Variants in PDE8B observed in about 807,000 individuals in gnomAD.
PDE8B encodes phosphodiesterase 8B.
Under a neutral mutation model 101.3 loss-of-function variants are expected in PDE8B, and 26 were observed. The ratio of observed to expected loss-of-function variants is 0.26; its 90% CI spans 0.19 to 0.36. PDE8B has a LOEUF of 0.36. PDE8B is among the 10% of genes least tolerant of loss of function. The probability of loss-of-function intolerance (pLI) is 1.00; values close to 1 mark genes in which losing one functional copy is unlikely to be tolerated. For synonymous variants in PDE8B, 424 were observed against 429.3 expected, an observed-to-expected ratio of 0.99 and a Z score of 0.15; for missense variants, 810 against 1,163.1, an observed-to-expected ratio of 0.70 and a Z score of 4.42.
intron 10 of PDE8B, among the ~76,000 whole-genome samples, chr5:77,380,812 C>T (rs995563781): frequency 3.9e-5 from 6 of 152,166 alleles, no homozygotes; most frequent in Non-Finnish European, 7.4e-5. Context: ...CCATTGATAG[C>T]ATGTAACAGA....
At chr5:77,316,617 T>TA (rs1773820872) in intron 2 of PDE8B, among the ~76,000 whole-genome samples, 1 of 152,210 alleles carries the variant, frequency 6.6e-6, no homozygotes, top group Admixed American at 6.5e-5. Flanking sequence ...TCAAACATGA[T>TA]ACAGTCCTTT....
At chr5:77,413,364 T>C in intron 17 of PDE8B, 55 bp downstream of exon 17, 1 of 1,469,592 alleles carries the variant, frequency 6.8e-7, no homozygotes, top group Non-Finnish European at 9.5e-7. Context: ...ATCCAAGAAC[T>C]TAATCTTAGT....
At position 77,411,656 on chromosome 5, in the gene PDE8B, A is replaced by G; in HGVS notation, c.1531-20A>G. The G allele has an allele frequency of 1.3e-6, 2 of 1,595,842 alleles. No homozygotes were observed. The highest frequency in any genetic ancestry group is 1.7e-4 in the Middle Eastern group (1 of 5,950). On this transcript the variant is annotated intron_variant, in intron 14 of 21. Coordinates refer to ENST00000264917, the MANE Select transcript of PDE8B (RefSeq NM_003719.5). ...AATAGATATAAAGCATGCTTCTAAC[A>G]GGCTCTTCCTTTATTCCAGGACGGC...
At position 77,427,661 on chromosome 5, in the gene PDE8B, T is replaced by A. The variant is rs1798389928; in HGVS notation, c.*1107T>A. 6.6e-6 allele frequency: 1 copy of A among 152,204 alleles called. No individual in the cohort carries two copies. The highest frequency in any genetic ancestry group is 1.5e-5 in the Non-Finnish European group (1 of 68,042). 9.4% of individuals were successfully genotyped at this position (152,204 alleles called of 1,614,324 possible). ...TATGGGGAGGCAGTAAATACTATTT[T>A]AAGCTATTAATTGTATGCTAAAAGC... is the stretch of plus-strand genomic sequence containing the variant. On this transcript the variant is annotated 3_prime_UTR_variant, in exon 22 of 22. Transcript: ENST00000264917.
At chr5:77,175,696 G>A in the PDE8B span, among the ~76,000 whole-genome samples, 12 of 152,192 alleles carry the variant, frequency 7.9e-5, no homozygotes, top group African/African-American at 2.4e-4. Context: ...TTATCTTACA[G>A]ATCTATCCTC....
At chr5:77,311,551 G>A (rs1405901588) in intron 1 of PDE8B, among the ~76,000 whole-genome samples, 1 of 152,214 alleles carries the variant, frequency 6.6e-6, no homozygotes, top group Non-Finnish European at 1.5e-5. Context: ...CCATACATGT[G>A]ATTTAGCCTC....
chr5:77,210,742 G>A lies in PDE8B; in HGVS notation c.-184G>A. The A allele has an allele frequency of 1.0e-6, 1 of 982,074 alleles. No homozygotes were observed. Among genetic ancestry groups the A allele is most frequent in the Non-Finnish European group, 1.2e-6 (1 of 828,948 alleles). 60.8% of individuals were successfully genotyped at this position (982,074 alleles called of 1,614,324 possible). A position where few individuals can be genotyped will look rare whatever the true frequency, so the allele number is the denominator to read the frequency against. Reference sequence around the variant, plus strand: ...CCAAAAGGGAAAGTTGGGGTGACGCGCGCGGTCCCCGGAGGCTCGGCGGGG... The same window carrying A: ...CCAAAAGGGAAAGTTGGGGTGACGCACGCGGTCCCCGGAGGCTCGGCGGGG... On this transcript the variant is annotated 5_prime_UTR_variant, in exon 1 of 22. Transcript: ENST00000264917. The surrounding 1 kb of genome is among the most constrained non-coding windows in gnomAD (Gnocchi z 4.9).
rs188397379 is a variant in PDE8B, at chr5:77,401,925, C to T, written c.1210+1635C>T. On this transcript the variant is annotated intron_variant, in intron 11 of 21. Transcript: ENST00000264917. Reference sequence around the variant, plus strand: ...ATGAGGAAGAATAAACATCATCCATCTTTGAATAATTTCTAATGAACGACT... The same window carrying T: ...ATGAGGAAGAATAAACATCATCCATTTTTGAATAATTTCTAATGAACGACT... Among the ~76,000 whole-genome samples the T allele has an allele frequency of 6.2e-4, 95 of 152,292 alleles. No individual in the cohort carries two copies. The East Asian group carries it at 0.013, about 21-fold the overall frequency.
chr5:77,426,395 C>T, intron 21 of PDE8B, 50 bp from the exon 22 acceptor site: 1 of 1,234,366 alleles, frequency 8.1e-7, no homozygotes, highest in Non-Finnish European at 1.2e-6. Context: ...TATAAATGCT[C>T]CTGGGGTCTA....
At chr5:77,407,584 C>T in intron 13 of PDE8B, 127 bp downstream of exon 13, 1 of 737,620 alleles carries the variant, frequency 1.4e-6, no homozygotes, top group Non-Finnish European at 2.4e-6. Flanking sequence ...GGCAAATAAA[C>T]ACATAGCAAA....
intron 1 of PDE8B, among the ~76,000 whole-genome samples, chr5:77,216,318 GA>G (rs1430921236): frequency 6.6e-6 from 1 of 152,160 alleles, no homozygotes; most frequent in Non-Finnish European, 1.5e-5. Flanking sequence ...AATTTAGAAA[GA>G]AAAAGAGATT....
At chr5:77,108,809 C>A in the PDE8B span, among the ~76,000 whole-genome samples, 36 of 152,182 alleles carry the variant, frequency 2.4e-4, no homozygotes, top group Admixed American at 1.7e-3. Flanking sequence ...GCACCACATT[C>A]AACAAAAGAT....
chr5:77,247,421 C>G (rs932721712), intron 1 of PDE8B, among the ~76,000 whole-genome samples: 3 of 152,198 alleles, frequency 2.0e-5, no homozygotes, highest in Admixed American at 6.5e-5. Context: ...CCCTCTGTGT[C>G]ATATCACAAT....
At chr5:77,177,264 C>G in the PDE8B span, among the ~76,000 whole-genome samples, 2 of 151,784 alleles carry the variant, frequency 1.3e-5, no homozygotes, top group Non-Finnish European at 2.9e-5. Flanking sequence ...AGTATCCCCC[C>G]CTTATCCGCA....
the PDE8B span, among the ~76,000 whole-genome samples, chr5:77,187,488 A>G: frequency 6.6e-6 from 1 of 152,178 alleles, no homozygotes; most frequent in Non-Finnish European, 1.5e-5. Context: ...AAAAAAAATC[A>G]AAGCAGTGAG....
the PDE8B span, among the ~76,000 whole-genome samples, chr5:77,204,776 C>T: frequency 6.6e-6 from 1 of 152,136 alleles, no homozygotes; most frequent in Non-Finnish European, 1.5e-5. Context: ...TCCCAATGAC[C>T]ATAACTACTA....
chr5:77,298,333 C>T (rs1171558713), intron 1 of PDE8B, among the ~76,000 whole-genome samples: 1 of 152,074 alleles, frequency 6.6e-6, no homozygotes, highest in Non-Finnish European at 1.5e-5. Flanking sequence ...AGCCACAGAA[C>T]ATCATGGCCT....
the PDE8B span, among the ~76,000 whole-genome samples, chr5:77,176,268 T>C: frequency 6.6e-6 from 1 of 152,012 alleles, no homozygotes; most frequent in Non-Finnish European, 1.5e-5. Flanking sequence ...GTGAAGTTGG[T>C]TTTGTTGCCC....
intron 1 of PDE8B, among the ~76,000 whole-genome samples, chr5:77,236,126 G>C (rs373083061): frequency 1.1e-4 from 16 of 152,356 alleles, no homozygotes; most frequent in African/African-American, 3.8e-4. Context: ...AGTGAGCCAT[G>C]TGGCTATCTG....
Sources: gnomAD v4.1 joint callset for allele counts (sites outside exome capture counted in the v4.1 genomes callset) on GRCh38, gnomAD v4.1.1 for gene constraint, Gnocchi (gnomAD v3.1) non-coding constraint, MANE v1.5 for transcripts, NCBI Gene and HGNC (gene_info 2026-07-23, HGNC 2026-07-21) for gene names.